Variants in BORCS5 observed in about 807,000 individuals in gnomAD.
BORCS5 encodes BLOC-1-related complex subunit 5.
BORCS5 carries 17 observed loss-of-function variants against 22.1 expected under a neutral mutation model. That is an observed-to-expected ratio of 0.77 (90% CI 0.53 to 1.15). The LOEUF (loss-of-function observed/expected upper bound fraction) is 1.15, where lower values mean the gene tolerates loss of function less well. Ranked by LOEUF, BORCS5 falls within the 50% of genes most tolerant of loss-of-function variation. The pLI is 0.00. For missense variants in BORCS5, 247 were observed against 253.2 expected, an observed-to-expected ratio of 0.98 and a Z score of 0.17; for synonymous variants, 117 against 99.8, an observed-to-expected ratio of 1.17 and a Z score of -1.03.
intron 2 of BORCS5, among the ~76,000 whole-genome samples, chr12:12,397,699 A>C (rs1941382847): frequency 6.6e-6 from 1 of 152,232 alleles, no homozygotes; most frequent in African/African-American, 2.4e-5. Context: ...AAATAATTCT[A>C]AACTTTGGCT....
chr12:12,387,961 A>G (rs1456894551), intron 2 of BORCS5, among the ~76,000 whole-genome samples: 2 of 151,460 alleles, frequency 1.3e-5, no homozygotes, highest in Non-Finnish European at 3.0e-5. Flanking sequence ...AGATCCAGGG[A>G]AAAGCTCATC....
At chr12:12,415,521 G>A (rs1266268650) in intron 2 of BORCS5, among the ~76,000 whole-genome samples, 1 of 127,674 alleles carries the variant, frequency 7.8e-6, no homozygotes, top group Non-Finnish European at 1.6e-5. Flanking sequence ...CTTTGGCTCG[G>A]CATCAGAGGG....
chr12:12,454,360 A>G (rs941180820), intron 3 of BORCS5, among the ~76,000 whole-genome samples: 1 of 152,208 alleles, frequency 6.6e-6, no homozygotes, highest in Non-Finnish European at 1.5e-5. Context: ...CTGCCTTTTA[A>G]TTTGAGCCAT....
At chr12:12,412,900 C>CTTTTTTTTTTTTTT (rs869045354) in intron 2 of BORCS5, among the ~76,000 whole-genome samples, 5 of 74,174 alleles carry the variant, frequency 6.7e-5, no homozygotes, top group African/African-American at 1.4e-4. Context: ...TTGTGGTTTT[C>CTTTTTTTTTTTTTT]TTTTTTTTTT....
At chr12:12,360,541 C>T (rs1863257206) in intron 1 of BORCS5, among the ~76,000 whole-genome samples, 1 of 149,726 alleles carries the variant, frequency 6.7e-6, no homozygotes, top group Non-Finnish European at 1.5e-5. Flanking sequence ...ACAGTGTGCA[C>T]CACCACATCT....
At chr12:12,397,633 CATT>C (rs1941380787) in intron 2 of BORCS5, among the ~76,000 whole-genome samples, 1 of 152,186 alleles carries the variant, frequency 6.6e-6, no homozygotes, top group Admixed American at 6.5e-5. Context: ...GTAATTCCAT[CATT>C]GTCGAACACA....
At chr12:12,418,086 C>T (rs2136100107) in intron 2 of BORCS5, among the ~76,000 whole-genome samples, 1 of 151,732 alleles carries the variant, frequency 6.6e-6, no homozygotes, top group East Asian at 1.9e-4. Flanking sequence ...TGCAGTGACG[C>T]AATCTCAGCT....
At chr12:12,458,420 G>C (rs1196789040) in intron 3 of BORCS5, among the ~76,000 whole-genome samples, 3 of 152,048 alleles carry the variant, frequency 2.0e-5, no homozygotes, top group Non-Finnish European at 4.4e-5. Flanking sequence ...AAGAGTTATT[G>C]ATATATTCAT....
At chr12:12,425,017 G>A (rs182269231) in intron 2 of BORCS5, among the ~76,000 whole-genome samples, 3 of 152,286 alleles carry the variant, frequency 2.0e-5, no homozygotes, top group South Asian at 4.1e-4. Flanking sequence ...AGTGATTACC[G>A]TCTGTGTCTC....
intron 3 of BORCS5, among the ~76,000 whole-genome samples, chr12:12,457,087 C>T (rs113943425): frequency 6.6e-6 from 1 of 152,310 alleles, no homozygotes; most frequent in African/African-American, 2.4e-5. Flanking sequence ...GACAGAGTTT[C>T]TGTTTCAGTT....
rs575267365 is a variant in BORCS5 at position 12,458,679 on chromosome 12, A to G, written c.361-6867A>G. ...CTGCAACTTCTGCCTTTTGGGTTCA[A>G]GAGATTCTCCTGGCTGGCCACGGTG... is the stretch of plus-strand genomic sequence containing the variant. On this transcript the variant is annotated intron_variant, in intron 3 of 3. Transcript: ENST00000314565. 2.2e-3 allele frequency among the ~76,000 whole-genome samples: 328 copies of G among 150,602 alleles called. 1 individual carries two copies. Among genetic ancestry groups the G allele is most frequent in the African/African-American group, 7.7e-3 (316 of 41,010 alleles).
intron 2 of BORCS5, among the ~76,000 whole-genome samples, chr12:12,374,002 T>C (rs1457164368): frequency 1.4e-5 from 2 of 147,090 alleles, no homozygotes; most frequent in Non-Finnish European, 3.0e-5. Flanking sequence ...TTTTTTTTTT[T>C]TTTGAGACGG....
rs1565915767 is a variant in BORCS5, at chr12:12,438,382, G to GAAAAAAAAAAAAAAAAAAAAAAAAAAA, written c.360+2602_360+2603insAAAAAAAAAAAAAAAAAAAAAAAAAAA. Among the ~76,000 whole-genome samples, 17 of 106,960 alleles carry GAAAAAAAAAAAAAAAAAAAAAAAAAAA rather than the reference G, an allele frequency of 1.6e-4. 1 individual carries two copies. Among genetic ancestry groups the GAAAAAAAAAAAAAAAAAAAAAAAAAAA allele is most frequent in the African/African-American group, 7.7e-4 (14 of 18,070 alleles). The allele number at this position is 106,960 out of a possible 152,430, so 70.2% of individuals were successfully genotyped here. A position where few individuals can be genotyped will look rare whatever the true frequency, so the allele number is the denominator to read the frequency against. ...TCTCAAAAAAAAAAAAAAAAAAAAC[G>GAAAAAAAAAAAAAAAAAAAAAAAAAAA]AAAAACAACAACAAAAACCTCTAAT... On this transcript the variant is annotated intron_variant, in intron 3 of 3. Transcript: ENST00000314565.
At chr12:12,424,864 C>T (rs149573895) in intron 2 of BORCS5, among the ~76,000 whole-genome samples, 126 of 152,160 alleles carry the variant, frequency 8.3e-4, no homozygotes, top group African/African-American at 2.6e-3. Flanking sequence ...TTTGAATATC[C>T]TGGTCTTTAA....
At chr12:12,368,856 A>G (rs574473710) in intron 2 of BORCS5, among the ~76,000 whole-genome samples, 4 of 152,120 alleles carry the variant, frequency 2.6e-5, no homozygotes, top group African/African-American at 7.2e-5. Flanking sequence ...TATTCATTTT[A>G]TTTATTCAAC....
chr12:12,414,136 G>T (rs1395631688), intron 2 of BORCS5, among the ~76,000 whole-genome samples: 1 of 95,016 alleles, frequency 1.1e-5, no homozygotes. Flanking sequence ...CCTCCTGGAC[G>T]GGGCGGCTGG....
chr12:12,403,062 C>T (rs1350948626), intron 2 of BORCS5, among the ~76,000 whole-genome samples: 1 of 151,792 alleles, frequency 6.6e-6, no homozygotes, highest in Admixed American at 6.6e-5. Flanking sequence ...AACCACATTT[C>T]CCTTTTTTTT....
At chr12:12,443,513 G>C (rs1942724262) in intron 3 of BORCS5, among the ~76,000 whole-genome samples, 1 of 152,178 alleles carries the variant, frequency 6.6e-6, no homozygotes, top group Non-Finnish European at 1.5e-5. Context: ...TTCTGGTTCG[G>C]CGGACTGTAA....
intron 3 of BORCS5, among the ~76,000 whole-genome samples, chr12:12,441,197 G>C (rs1014364207): frequency 6.6e-6 from 1 of 152,220 alleles, no homozygotes; most frequent in Non-Finnish European, 1.5e-5. Flanking sequence ...GAGGTCATTT[G>C]TTGAGTGGTC....
Sources: allele counts gnomAD v4.1 joint callset (sites outside exome capture counted in the v4.1 genomes callset), GRCh38; gene constraint gnomAD v4.1.1; transcripts MANE v1.5; gene names NCBI Gene and HGNC (gene_info 2026-07-23, HGNC 2026-07-21).